The following GLIS3 variants were observed in gnomAD, a reference collection of about 807,000 sequenced individuals.
The protein encoded by GLIS3 is zinc finger protein GLIS3.
Under a neutral mutation model 78.6 loss-of-function variants are expected in GLIS3, and 53 were observed. The observed-to-expected ratio is 0.67, with a 90% CI of 0.54 to 0.85. The LOEUF (loss-of-function observed/expected upper bound fraction) is 0.85, where lower values mean the gene tolerates loss of function less well. GLIS3 is among the 40% of genes least tolerant of loss of function. GLIS3 has a pLI of 0.00. For missense variants in GLIS3, 1,703 were observed against 1,231.1 expected, an observed-to-expected ratio of 1.38 and a Z score of -5.74; for synonymous variants, 684 against 509.9, an observed-to-expected ratio of 1.34 and a Z score of -4.60.
At chr9:4,253,384 T>G (rs1223825175) in intron 2 of GLIS3, among the ~76,000 whole-genome samples, 2 of 152,192 alleles carry the variant, frequency 1.3e-5, no homozygotes, top group African/African-American at 4.8e-5. Context: ...AGTTTGAAAT[T>G]CCCCGTGGCT....
chr9:3,961,238 C>T (rs1817528420), intron 4 of GLIS3, among the ~76,000 whole-genome samples: 1 of 151,824 alleles, frequency 6.6e-6, no homozygotes, highest in African/African-American at 2.4e-5. Flanking sequence ...GTCTTCTGAC[C>T]CCAGAAGATG....
the GLIS3 span, among the ~76,000 whole-genome samples, chr9:4,442,974 C>T: frequency 5.3e-5 from 8 of 152,130 alleles, no homozygotes; most frequent in Non-Finnish European, 1.2e-4. Context: ...CAGCAGGCAG[C>T]TTGGTTAAGC....
At chr9:4,340,758 C>A (rs570837498) in intron 2 of GLIS3, among the ~76,000 whole-genome samples, 6 of 152,170 alleles carry the variant, frequency 3.9e-5, no homozygotes, top group Non-Finnish European at 7.4e-5. Flanking sequence ...TTCAGTGGCA[C>A]TATCTCAACT....
chr9:3,864,430 A>G (rs1820436074), intron 8 of GLIS3, among the ~76,000 whole-genome samples: 1 of 152,254 alleles, frequency 6.6e-6, no homozygotes, highest in Non-Finnish European at 1.5e-5. Flanking sequence ...TGGACTATCC[A>G]GTATCCCAGT....
At chr9:4,336,093 A>C (rs1365716677) in intron 2 of GLIS3, among the ~76,000 whole-genome samples, 2 of 152,148 alleles carry the variant, frequency 1.3e-5, no homozygotes, top group East Asian at 3.9e-4. Context: ...TGTTACCCAT[A>C]AGCCACATGG....
At chr9:3,946,630 T>C (rs1422845060) in intron 4 of GLIS3, among the ~76,000 whole-genome samples, 1 of 152,204 alleles carries the variant, frequency 6.6e-6, no homozygotes, top group African/African-American at 2.4e-5. Flanking sequence ...ATGTGATGCA[T>C]TTACTTCTTT....
At chr9:4,092,157 T>G (rs1187198803) in intron 4 of GLIS3, among the ~76,000 whole-genome samples, 1 of 147,534 alleles carries the variant, frequency 6.8e-6, no homozygotes, top group African/African-American at 2.5e-5. Flanking sequence ...TTACAATTTT[T>G]TTTTTTTTTT....
At chr9:4,050,671 G>A (rs1312347421) in intron 4 of GLIS3, among the ~76,000 whole-genome samples, 1 of 152,178 alleles carries the variant, frequency 6.6e-6, no homozygotes, top group African/African-American at 2.4e-5. Context: ...TCTCTGTACA[G>A]AACACGCTAT....
chr9:3,978,631 T>C (rs1818980025), intron 4 of GLIS3, among the ~76,000 whole-genome samples: 1 of 151,526 alleles, frequency 6.6e-6, no homozygotes, highest in Non-Finnish European at 1.5e-5. Context: ...TATGTGTGTA[T>C]ATATATATAT....
rs554493839 is a variant in GLIS3 at position 4,271,971 on chromosome 9, C to A, written c.388+14067G>T. On this transcript the variant is annotated intron_variant, in intron 2 of 10. Transcript: ENST00000381971. ...TTCTTAATCTAATAATGCAGGGGAT[C>A]CATAAAATTCTCATTTGTGAGAATT... 2.2e-4 allele frequency among the ~76,000 whole-genome samples: 34 copies of A among 152,194 alleles called. No homozygotes were observed. The East Asian group carries it at 6.4e-3, about 29-fold the overall frequency.
At chr9:3,877,485 C>A (rs921256434) in intron 8 of GLIS3, among the ~76,000 whole-genome samples, 1 of 152,188 alleles carries the variant, frequency 6.6e-6, no homozygotes, top group Non-Finnish European at 1.5e-5. Context: ...CCACATGGAT[C>A]TTTTATAATC....
intron 8 of GLIS3, among the ~76,000 whole-genome samples, chr9:3,860,275 A>T (rs1391888138): frequency 4.6e-5 from 1 of 21,824 alleles, no homozygotes; most frequent in Non-Finnish European, 1.8e-4. Flanking sequence ...ACTCTGTCAA[A>T]AAAAAAAAAA....
intron 1 of GLIS3, among the ~76,000 whole-genome samples, chr9:4,294,952 T>A (rs182351341): frequency 4.8e-4 from 73 of 152,316 alleles, no homozygotes; most frequent in African/African-American, 1.6e-3. Flanking sequence ...ACAATATAAG[T>A]GAGGTGTGAC....
chr9:4,228,240 C>G (rs1377053600), intron 2 of GLIS3, among the ~76,000 whole-genome samples: 1 of 149,434 alleles, frequency 6.7e-6, no homozygotes, highest in Non-Finnish European at 1.5e-5. Flanking sequence ...GAACCGCTCT[C>G]ATGAATGATG....
the GLIS3 span, among the ~76,000 whole-genome samples, chr9:4,377,692 A>C: frequency 6.6e-6 from 1 of 152,206 alleles, no homozygotes; most frequent in African/African-American, 2.4e-5. Flanking sequence ...CATTATTACA[A>C]GACACTAATA....
At chr9:4,177,610 T>C (rs1270842126) in intron 2 of GLIS3, among the ~76,000 whole-genome samples, 1 of 152,234 alleles carries the variant, frequency 6.6e-6, no homozygotes, top group African/African-American at 2.4e-5. Flanking sequence ...AGCTTGTTGA[T>C]TTCTAAGATC....
chr9:4,258,437 G>C (rs1277809244), intron 2 of GLIS3, among the ~76,000 whole-genome samples: 1 of 152,202 alleles, frequency 6.6e-6, no homozygotes, highest in Admixed American at 6.5e-5. Context: ...AGTTACCTTA[G>C]TCAGAGAACT....
chr9:4,045,948 C>T (rs932440071), intron 4 of GLIS3, among the ~76,000 whole-genome samples: 3 of 151,864 alleles, frequency 2.0e-5, no homozygotes, highest in South Asian at 2.1e-4. Context: ...CTTGGGAGAT[C>T]GGGGGGGAAA....
chr9:4,285,093 C>A (rs909423798), intron 2 of GLIS3, among the ~76,000 whole-genome samples: 1 of 152,116 alleles, frequency 6.6e-6, no homozygotes, highest in African/African-American at 2.4e-5. Flanking sequence ...ACTGGCTATT[C>A]TGAAGGTTGC....
Sources: gnomAD v4.1 joint callset for allele counts (sites outside exome capture counted in the v4.1 genomes callset) on GRCh38, gnomAD v4.1.1 for gene constraint, MANE v1.5 for transcripts, NCBI Gene and HGNC (gene_info 2026-07-23, HGNC 2026-07-21) for gene names.